The following MED12L variants were observed in gnomAD, a reference collection of about 807,000 sequenced individuals.
MED12L encodes the protein mediator complex subunit 12L.
A neutral mutation model predicts 281.3 loss-of-function variants in MED12L; 60 were observed. The observed-to-expected ratio is 0.21, with a 90% CI of 0.17 to 0.26. The LOEUF (loss-of-function observed/expected upper bound fraction) is 0.26, where lower values mean the gene tolerates loss of function less well. Among genes scored for constraint, MED12L ranks in the 10% least tolerant of loss-of-function variants. The pLI is 1.00. For missense variants in MED12L, 2,146 were observed against 2,680.9 expected, an observed-to-expected ratio of 0.80 and a Z score of 4.41; for synonymous variants, 974 against 987.2, an observed-to-expected ratio of 0.99 and a Z score of 0.25.
intron 16 of MED12L, among the ~76,000 whole-genome samples, chr3:151,293,625 AAAATGAAG>A (rs1186972528): frequency 1.3e-4 from 9 of 68,538 alleles, no homozygotes; most frequent in African/African-American, 3.2e-4. Context: ...ACACGGTCCT[AAAATGAAG>A]CCCTTACACA....
At chr3:151,364,651 C>G (rs140052633) in intron 21 of MED12L, among the ~76,000 whole-genome samples, 1 of 152,110 alleles carries the variant, frequency 6.6e-6, no homozygotes, top group African/African-American at 2.4e-5. Context: ...TGTTAAGACA[C>G]AGTTGTTGGA....
chr3:151,340,250 C>T (rs1371250354), intron 16 of MED12L, among the ~76,000 whole-genome samples: 1 of 152,152 alleles, frequency 6.6e-6, no homozygotes, highest in Non-Finnish European at 1.5e-5. Context: ...AGTGAATATA[C>T]ATTTTGTGTA....
chr3:151,334,258 A>T (rs1433691551), intron 16 of MED12L, among the ~76,000 whole-genome samples: 2 of 95,186 alleles, frequency 2.1e-5, no homozygotes, highest in Non-Finnish European at 4.1e-5. Context: ...TGCCCCATTT[A>T]AAAAAAAAAG....
At chr3:151,425,546 A>G in intron 43 of MED12L, 1 of 427,652 alleles carries the variant, frequency 2.3e-6, no homozygotes. Context: ...GAACTACAGT[A>G]AATACATTTT....
At chr3:151,171,348 G>A (rs1030310181) in intron 11 of MED12L, among the ~76,000 whole-genome samples, 5 of 152,112 alleles carry the variant, frequency 3.3e-5, no homozygotes, top group Non-Finnish European at 5.9e-5. Context: ...TCTCTGTTTG[G>A]GATGAGTGTG....
At chr3:151,377,890 G>T in intron 30 of MED12L, 122 bp from the exon 31 acceptor site, 1 of 950,322 alleles carries the variant, frequency 1.1e-6, no homozygotes. Context: ...AGAAATAAAA[G>T]GGAAATTTTA....
intron 16 of MED12L, among the ~76,000 whole-genome samples, chr3:151,289,630 A>G (rs1031538674): frequency 1.3e-5 from 2 of 152,188 alleles, no homozygotes; most frequent in African/African-American, 4.8e-5. Context: ...TACATTCTTT[A>G]TGCTAAACTT....
rs538581518 is a variant in MED12L at position 151,130,729 on chromosome 3, C to T, written c.556+2745C>T. ...CCCTTGCTCCACTGTGGTCTCTGCC[C>T]AGACGCGCTTCCTAAGAAAAGCCTT... On this transcript the variant is annotated intron_variant, in intron 5 of 44. Transcript: ENST00000687756. Among the ~76,000 whole-genome samples, 4 of 152,356 alleles carry T rather than the reference C, an allele frequency of 2.6e-5. No homozygotes were observed. In the South Asian group the frequency reaches 8.3e-4, roughly 32 times the overall value.
intron 42 of MED12L, among the ~76,000 whole-genome samples, chr3:151,415,451 G>A (rs772324872): frequency 1.3e-5 from 2 of 152,234 alleles, no homozygotes; most frequent in Non-Finnish European, 2.9e-5. Context: ...ATGCTACCCA[G>A]ACCTCTGCTA....
chr3:151,092,442 A>G (rs1382478000), intron 2 of MED12L, among the ~76,000 whole-genome samples: 1 of 152,232 alleles, frequency 6.6e-6, no homozygotes, highest in African/African-American at 2.4e-5. Context: ...CTGGGAGTAG[A>G]CTAGGTGCTC....
At position 151,163,987 on chromosome 3, in the gene MED12L, A is replaced by C. The variant is rs17290219; in HGVS notation, c.1202A>C (p.Gln401Pro). Residue 401 changes from glutamine (Q) to proline (P), a missense_variant, in exon 9 of 45, where the codon CAG (glutamine) becomes CCG (proline). Gln to Pro is a moderately conservative substitution (Grantham distance 76). Coordinates refer to ENST00000687756, the MANE Select transcript of MED12L (RefSeq NM_001393769.1). ...CCAGGCTCACCCCTGGATCTGCTGC[A>C]GGTGGCCCCGTCCAGCCTCCCCATG... is the stretch of plus-strand genomic sequence containing the variant. ...ANPGSPLDLL[Q>P]VAPSSLPMPG... 0.12 allele frequency: 195,700 copies of C among 1,613,506 alleles called. 13,176 individuals carry two copies. Among genetic ancestry groups the C allele is most frequent in the Non-Finnish European group, 0.14 (164,161 of 1,179,566 alleles).
At position 151,116,367 on chromosome 3, in the gene MED12L, A is replaced by G. The variant is rs1437886239; in HGVS notation, c.129A>G (p.Gln43=). 1.2e-6 allele frequency: 2 copies of G among 1,613,522 alleles called. No individual in the cohort carries two copies. The highest frequency in any genetic ancestry group is 1.7e-6 in the Non-Finnish European group (2 of 1,179,576). Residue 43 remains glutamine, a synonymous_variant, in exon 3 of 45, where the codon CAA becomes CAG. Coordinates refer to ENST00000687756, the MANE Select transcript of MED12L (RefSeq NM_001393769.1). ...AACTTACTGCTGTGAATGTAAAGCAAGGCTTCAATAATCAGCCAGCCTTCA... is the reference window on the plus strand; with the variant it reads ...AACTTACTGCTGTGAATGTAAAGCAGGGCTTCAATAATCAGCCAGCCTTCA... The part of the protein sequence containing the change: ...EDELTAVNVK[Q]GFNNQPAFTG...
At chr3:151,263,540 T>C (rs1882015) in intron 16 of MED12L, among the ~76,000 whole-genome samples, 67,704 of 152,046 alleles carry the variant, frequency 0.45, 15,306 homozygotes, top group Middle Eastern at 0.65. Flanking sequence ...TTCCAAAATA[T>C]CATGAGCTTT....
chr3:151,164,015 G>A lies in MED12L; in HGVS notation c.1230G>A (p.Pro410=), dbSNP rs769480039. 26 of 1,613,228 alleles carry A rather than the reference G, an allele frequency of 1.6e-5. No individual in the cohort carries two copies. Among genetic ancestry groups the A allele is most frequent in the African/African-American group, 2.7e-5 (2 of 74,868 alleles). ...TGGCCCCGTCCAGCCTCCCCATGCC[G>A]GGTGGGAACACGGCTTTCAATCAGC... ...LQVAPSSLPM[P]GGNTAFNQQV... is the part of the protein sequence containing the mutation. Residue 410 remains proline (P), a synonymous_variant, in exon 9 of 45, where the codon CCG becomes CCA. Transcript: ENST00000687756.
chr3:151,337,971 C>T, intron 16 of MED12L: 1 of 1,614,098 alleles, frequency 6.2e-7, no homozygotes, highest in Non-Finnish European at 8.5e-7. Context: ...CGGATCCAGG[C>T]ATGCATTTAA....
At chr3:151,232,305 A>T (rs1317123362) in intron 16 of MED12L, among the ~76,000 whole-genome samples, 1 of 152,052 alleles carries the variant, frequency 6.6e-6, no homozygotes, top group Non-Finnish European at 1.5e-5. Flanking sequence ...TTACCCTCCC[A>T]CCAATGTGTG....
chr3:151,174,979 C>A (rs1251498216), intron 11 of MED12L, among the ~76,000 whole-genome samples: 1 of 152,118 alleles, frequency 6.6e-6, no homozygotes, highest in East Asian at 1.9e-4. Context: ...TCTGGGCCAC[C>A]ATGCCAGGCT....
intron 44 of MED12L, among the ~76,000 whole-genome samples, chr3:151,431,211 G>C (rs904192097): frequency 1.4e-4 from 22 of 152,232 alleles, no homozygotes; most frequent in African/African-American, 5.3e-4. Flanking sequence ...CAATGAGTGA[G>C]ACTAGCAGTT....
At chr3:151,432,130 T>C (rs1719603719) in intron 44 of MED12L, among the ~76,000 whole-genome samples, 1 of 152,218 alleles carries the variant, frequency 6.6e-6, no homozygotes, top group Admixed American at 6.5e-5. Flanking sequence ...GAATGGGGCC[T>C]CCGGATTTGA....
Sources: allele counts gnomAD v4.1 joint callset (sites outside exome capture counted in the v4.1 genomes callset), GRCh38; gene constraint gnomAD v4.1.1; transcripts MANE v1.5; gene names NCBI Gene and HGNC (gene_info 2026-07-23, HGNC 2026-07-21).